Variants in FANCA observed in about 807,000 individuals in gnomAD.
The protein encoded by FANCA is FA complementation group A, also known as Fanconi anemia group A protein.
In FANCA, 236 loss-of-function variants were observed where a neutral mutation model predicts 194.3. The ratio of observed to expected loss-of-function variants is 1.21; its 90% CI spans 1.09 to 1.35. The LOEUF is 1.35. FANCA is among the 40% of genes most tolerant of loss of function. The probability of loss-of-function intolerance (pLI) is 0.00; values close to 1 mark genes in which losing one functional copy is unlikely to be tolerated. For synonymous variants in FANCA, 1,014 were observed against 715.8 expected (o/e 1.42, Z -6.65); for missense variants, 2,628 against 1,813.9 (o/e 1.45, Z -8.15).
chr16:89,765,230 G>A (rs529686431), intron 27 of FANCA, among the ~76,000 whole-genome samples, 164 bp from the exon 28 acceptor site: 96 of 151,170 alleles, frequency 6.4e-4, no homozygotes, highest in South Asian at 4.8e-3. Flanking sequence ...ACGACCCCAC[G>A]TTCAGGGGAC....
chr16:89,780,687 G>A (rs565222524), intron 17 of FANCA, among the ~76,000 whole-genome samples: 1 of 151,204 alleles, frequency 6.6e-6, no homozygotes, highest in Non-Finnish European at 1.5e-5. Flanking sequence ...CCAGCATTTT[G>A]GGGGGCCAAG....
rs1288049602 is a variant in FANCA at position 89,782,989 on chromosome 16, C to T, written c.1566+18G>A. On this transcript the variant is annotated intron_variant, in intron 16 of 42. Coordinates refer to ENST00000389301, the MANE Select transcript of FANCA (RefSeq NM_000135.4). The stretch of plus-strand genomic sequence containing the variant: ...TGCTGGGACAGGTGTGAGGAGTGGG[C>T]ATGGAGGGACAGCTTGCCTTGAGGT... 1.2e-6 allele frequency: 2 copies of T among 1,612,740 alleles called. No individual in the cohort carries two copies. Among genetic ancestry groups the T allele is most frequent in the South Asian group, 2.2e-5 (2 of 91,046 alleles).
chr16:89,800,296 G>A (rs1051334283), intron 8 of FANCA, among the ~76,000 whole-genome samples: 1 of 152,198 alleles, frequency 6.6e-6, no homozygotes, highest in Non-Finnish European at 1.5e-5. Flanking sequence ...ACGGTGAGAA[G>A]GTACCATTGT....
chr16:89,808,141 C>G (rs539246089), intron 6 of FANCA, among the ~76,000 whole-genome samples, 153 bp downstream of exon 6: 1 of 152,140 alleles, frequency 6.6e-6, no homozygotes, highest in Non-Finnish European at 1.5e-5. Context: ...TCCTCCAGGT[C>G]TAGTCTAGTA....
rs144420697 is a variant in FANCA, at chr16:89,805,366, G to A, written c.623C>T (p.Ser208Leu). ...GCAGCACAGATTCCTGAAGAGCCAC[G>A]ATCCCACAGCATGCATGTCGGGATG... The part of the protein sequence containing the change: ...ESHPDMHAVG[S>L]WLFRNLCCLC... Residue 208 changes from serine to leucine, a missense_variant, in exon 7 of 43, where the codon TCG becomes TTG. Ser to Leu is a moderately radical substitution (Grantham distance 145). Coordinates refer to ENST00000389301, the MANE Select transcript of FANCA (RefSeq NM_000135.4). 5.2e-4 allele frequency: 847 copies of A among 1,613,938 alleles called. 5 individuals carry two copies. In the African/African-American group the frequency reaches 0.01, roughly 20 times the overall value.
intron 29 of FANCA, among the ~76,000 whole-genome samples, chr16:89,760,430 C>T (rs2038913355): frequency 6.6e-6 from 1 of 152,192 alleles, no homozygotes; most frequent in African/African-American, 2.4e-5. Context: ...GCCTGGAAGG[C>T]CCCTGATGGC....
intron 38 of FANCA, 41 bp from the exon 39 acceptor site, chr16:89,740,140 G>C (rs1347352784): frequency 6.6e-7 from 1 of 1,526,014 alleles, no homozygotes; most frequent in Admixed American, 1.7e-5. Context: ...TGGCCGACCT[G>C]GTGCTCCCAT....
chr16:89,798,555 A>G, intron 10 of FANCA: 6 of 1,134,634 alleles, frequency 5.3e-6, no homozygotes, highest in Non-Finnish European at 6.5e-6. Flanking sequence ...CCCTGCCCAC[A>G]CTAGAGGGAA....
At chr16:89,765,177 A>C in intron 27 of FANCA, 111 bp from the exon 28 acceptor site, 2 of 1,261,820 alleles carry the variant, frequency 1.6e-6, no homozygotes, top group African/African-American at 1.5e-5. Context: ...ACACAACCCC[A>C]CATTCAGAGG....
chr16:89,782,658 T>C (rs1373704826), intron 17 of FANCA, among the ~76,000 whole-genome samples: 2 of 152,138 alleles, frequency 1.3e-5, no homozygotes, highest in Admixed American at 6.6e-5. Flanking sequence ...ACAGTAACCC[T>C]TTCCCTGCCA....
At chr16:89,767,488 C>T (rs1477242524) in intron 26 of FANCA, among the ~76,000 whole-genome samples, 1 of 152,126 alleles carries the variant, frequency 6.6e-6, no homozygotes, top group East Asian at 1.9e-4. Context: ...CTGCCTCAGC[C>T]TCCCAGGTAG....
Position 89,791,915 on chromosome 16 carries a change from G to T in FANCA, c.1225+12C>A, listed in dbSNP as rs200672872. The T allele has an allele frequency of 6.2e-7, 1 of 1,614,070 alleles. No individual in the cohort carries two copies. The highest frequency in any genetic ancestry group is 8.5e-7 in the Non-Finnish European group (1 of 1,180,006). ...TCTTGACCAGCACCACCGGGCTCGC[G>T]TAAAAGCTCACCTTCAAGCAGCTGC... On this transcript the variant is annotated intron_variant, in intron 13 of 42. Coordinates refer to ENST00000389301, the MANE Select transcript of FANCA (RefSeq NM_000135.4).
At chr16:89,813,551 G>A (rs2040985837) in intron 3 of FANCA, among the ~76,000 whole-genome samples, 1 of 152,096 alleles carries the variant, frequency 6.6e-6, no homozygotes, top group Non-Finnish European at 1.5e-5. Context: ...TCCTGCCTCA[G>A]CCTCCTGAAT....
intron 23 of FANCA, 148 bp downstream of exon 23, chr16:89,771,530 G>C (rs1439419909): frequency 2.4e-6 from 2 of 835,722 alleles, no homozygotes; most frequent in East Asian, 2.5e-5. Context: ...GCTGACCCTG[G>C]TACACCGCTG....
intron 11 of FANCA, among the ~76,000 whole-genome samples, chr16:89,793,478 T>C (rs1407118605): frequency 6.6e-6 from 1 of 152,210 alleles, no homozygotes; most frequent in Non-Finnish European, 1.5e-5. Context: ...ATTAATGATA[T>C]TCATATGTAA....
intron 30 of FANCA, among the ~76,000 whole-genome samples, chr16:89,756,909 C>A (rs1051180826): frequency 2.0e-5 from 3 of 152,192 alleles, no homozygotes; most frequent in African/African-American, 2.4e-5. Context: ...CAGGGAAGGA[C>A]TATTGAAGTC....
Position 89,737,637 on chromosome 16 carries a change from T to A in FANCA, c.*964A>T. The A allele has an allele frequency of 7.4e-7, 1 of 1,347,720 alleles. No homozygotes were observed. Among genetic ancestry groups the A allele is most frequent in the South Asian group, 1.5e-5 (1 of 66,538 alleles). 83.5% of individuals were successfully genotyped at this position (1,347,720 alleles called of 1,614,324 possible). The stretch of plus-strand genomic sequence containing the variant: ...CCACGTGACAGTGTATAAAGCAGTT[T>A]AAAGATCTTAATAAACGAGGCCCTC... On this transcript the variant is annotated 3_prime_UTR_variant, in exon 43 of 43. Coordinates refer to ENST00000389301, the MANE Select transcript of FANCA (RefSeq NM_000135.4).
chr16:89,754,874 T>G (rs1479432497), intron 30 of FANCA, among the ~76,000 whole-genome samples: 1 of 152,160 alleles, frequency 6.6e-6, no homozygotes, highest in Non-Finnish European at 1.5e-5. Context: ...CCAGCTACTT[T>G]TGTCGAAACT....
At chr16:89,753,996 G>A (rs1302656895) in intron 30 of FANCA, among the ~76,000 whole-genome samples, 1 of 152,222 alleles carries the variant, frequency 6.6e-6, no homozygotes, top group Non-Finnish European at 1.5e-5. Flanking sequence ...GGAGGTTGCA[G>A]ACAGCTGAGA....
Sources: gnomAD v4.1 joint callset for allele counts (sites outside exome capture counted in the v4.1 genomes callset) on GRCh38, gnomAD v4.1.1 for gene constraint, MANE v1.5 for transcripts, NCBI Gene and HGNC (gene_info 2026-07-23, HGNC 2026-07-21) for gene names.